The following LEKR1 variants were observed in gnomAD, a reference collection of about 807,000 sequenced individuals.
LEKR1 encodes the protein protein LEKR1.
In LEKR1, 59 loss-of-function variants were observed where a neutral mutation model predicts 72.4. The observed-to-expected ratio is 0.82, with a 90% CI of 0.66 to 1.01. LEKR1 has a LOEUF of 1.01. LEKR1 is among the 50% of genes least tolerant of loss of function. The pLI, the probability that LEKR1 is intolerant of heterozygous loss-of-function variation, is 0.00. For synonymous variants in LEKR1, 257 were observed against 263.2 expected, an observed-to-expected ratio of 0.98 and a Z score of 0.23; for missense variants, 728 against 759.2, an observed-to-expected ratio of 0.96 and a Z score of 0.48.
intron 6 of LEKR1, among the ~76,000 whole-genome samples, chr3:156,943,002 TC>T (rs1445585782): frequency 6.6e-6 from 1 of 151,980 alleles, no homozygotes; most frequent in Non-Finnish European, 1.5e-5. Context: ...CTTTGGTATA[TC>T]TGTGCTCTTC....
chr3:156,900,372 G>A (rs1047853865), intron 3 of LEKR1, among the ~76,000 whole-genome samples: 26 of 152,284 alleles, frequency 1.7e-4, no homozygotes, highest in African/African-American at 6.3e-4. Flanking sequence ...TGCACGTATT[G>A]TAACCTAGGC....
chr3:156,944,156 A>C (rs1035245407), intron 6 of LEKR1, among the ~76,000 whole-genome samples: 1 of 151,626 alleles, frequency 6.6e-6, no homozygotes, highest in African/African-American at 2.4e-5. Flanking sequence ...TCCCATTCCT[A>C]GATAGTACAT....
chr3:156,968,477 T>C (rs1443081878), intron 6 of LEKR1, among the ~76,000 whole-genome samples: 1 of 152,186 alleles, frequency 6.6e-6, no homozygotes, highest in Non-Finnish European at 1.5e-5. Flanking sequence ...GTTGCAATCC[T>C]AGTCTCTGAT....
At chr3:156,990,630 C>A (rs1317429340) in intron 7 of LEKR1, among the ~76,000 whole-genome samples, 1 of 152,140 alleles carries the variant, frequency 6.6e-6, no homozygotes, top group African/African-American at 2.4e-5. Context: ...ATTGTACAGA[C>A]TCATCAATTC....
intron 7 of LEKR1, among the ~76,000 whole-genome samples, chr3:156,991,592 C>A (rs1409128547): frequency 6.6e-6 from 1 of 151,996 alleles, no homozygotes; most frequent in African/African-American, 2.4e-5. Context: ...AATATATTAA[C>A]CTTTTGAGTA....
At chr3:156,959,457 GTGCTAAGTATCACAATAAGGCT>G (rs1727923654) in intron 6 of LEKR1, among the ~76,000 whole-genome samples, 1 of 152,082 alleles carries the variant, frequency 6.6e-6, no homozygotes, top group Non-Finnish European at 1.5e-5. Context: ...CTAACTTTAA[GTGCTAAGTATCACAATAAGGCT>G]TCTTTTGTGG....
At chr3:156,987,353 T>G (rs1197068551) in intron 7 of LEKR1, among the ~76,000 whole-genome samples, 1 of 152,016 alleles carries the variant, frequency 6.6e-6, no homozygotes, top group East Asian at 1.9e-4. Context: ...GATAGGTGGC[T>G]TTAAAAAAAT....
chr3:156,925,933 G>A (rs1724672111), intron 4 of LEKR1, among the ~76,000 whole-genome samples: 1 of 151,920 alleles, frequency 6.6e-6, no homozygotes, highest in Non-Finnish European at 1.5e-5. Flanking sequence ...TAATTTGGAT[G>A]TATATAATTT....
chr3:156,829,262 G>A (rs938690749), intron 1 of LEKR1, 24 bp from the exon 2 acceptor site: 2 of 865,296 alleles, frequency 2.3e-6, no homozygotes, highest in Admixed American at 2.1e-5. Context: ...TTTCTGTTCT[G>A]ACTGTTGCCA....
intron 3 of LEKR1, among the ~76,000 whole-genome samples, chr3:156,870,446 A>T (rs1157546602): frequency 2.0e-5 from 3 of 151,610 alleles, no homozygotes; most frequent in Non-Finnish European, 4.4e-5. Context: ...TATTTTTTGG[A>T]GCTATTGTAA....
chr3:157,036,732 C>A (rs1734994326), intron 12 of LEKR1, among the ~76,000 whole-genome samples: 1 of 152,088 alleles, frequency 6.6e-6, no homozygotes. Flanking sequence ...GAAAGAATAA[C>A]CAGACCAAAA....
chr3:156,887,784 C>T (rs966579532), intron 3 of LEKR1, among the ~76,000 whole-genome samples: 1 of 152,132 alleles, frequency 6.6e-6, no homozygotes, highest in Admixed American at 6.5e-5. Flanking sequence ...TCTTTCTGCA[C>T]CTCCCCCAAC....
chr3:157,014,362 T>C (rs1426852865), intron 10 of LEKR1, among the ~76,000 whole-genome samples: 1 of 152,124 alleles, frequency 6.6e-6, no homozygotes, highest in Non-Finnish European at 1.5e-5. Flanking sequence ...CCTTATTTCT[T>C]GGCTGAAGCA....
chr3:156,920,549 T>TA, intron 3 of LEKR1, 26 bp from the exon 4 acceptor site: 1 of 1,383,362 alleles, frequency 7.2e-7, no homozygotes, highest in Non-Finnish European at 9.8e-7. Context: ...AGAGAATACT[T>TA]AAGGAATGTT....
chr3:156,999,713 C>T (rs139456074), intron 9 of LEKR1, among the ~76,000 whole-genome samples: 6 of 152,276 alleles, frequency 3.9e-5, no homozygotes, highest in East Asian at 1.9e-4. Context: ...ACGGAGGGAG[C>T]GCTTTTTCTA....
intron 2 of LEKR1, among the ~76,000 whole-genome samples, chr3:156,836,879 A>C (rs1713215036): frequency 6.6e-6 from 1 of 152,330 alleles, no homozygotes; most frequent in Admixed American, 6.5e-5. Context: ...GACTGCTACT[A>C]TAAAAGGGTA....
intron 3 of LEKR1, among the ~76,000 whole-genome samples, chr3:156,894,177 G>A (rs933585794): frequency 5.3e-5 from 8 of 152,148 alleles, no homozygotes; most frequent in African/African-American, 1.7e-4. Context: ...GCCTCTTTGG[G>A]ACTCACCAGG....
Position 157,023,752 on chromosome 3 carries a change from GT to G in LEKR1, c.1204-1006del, listed in dbSNP as rs374148896. On this transcript the variant is annotated intron_variant, in intron 10 of 12. Transcript: ENST00000356539. Reference sequence around the variant, plus strand: ...AAACTCAACTTCATCTGCATCTAGAGTTCTTGCTTATTCTTTCCACAATTCA... The same window carrying G: ...AAACTCAACTTCATCTGCATCTAGAGTCTTGCTTATTCTTTCCACAATTCA... 4.4e-3 allele frequency among the ~76,000 whole-genome samples: 666 copies of G among 152,258 alleles called. 3 individuals are homozygous for G. Among genetic ancestry groups the G allele is most frequent in the African/African-American group, 0.015 (643 of 41,548 alleles).
intron 10 of LEKR1, among the ~76,000 whole-genome samples, chr3:157,020,792 C>T (rs1184974883): frequency 1.3e-5 from 2 of 151,910 alleles, no homozygotes; most frequent in Admixed American, 1.3e-4. Flanking sequence ...GGGTATATAC[C>T]CAGTAATGGG....
Sources: gnomAD v4.1 joint callset for allele counts (sites outside exome capture counted in the v4.1 genomes callset) on GRCh38, gnomAD v4.1.1 for gene constraint, MANE v1.5 for transcripts, NCBI Gene and HGNC (gene_info 2026-07-23, HGNC 2026-07-21) for gene names.